The following TMX3 variants were observed in gnomAD, a reference collection of about 807,000 sequenced individuals.
The protein encoded by TMX3 is thioredoxin related transmembrane protein 3, also known as protein disulfide-isomerase TMX3.
TMX3 carries 40 observed loss-of-function variants against 64.4 expected under a neutral mutation model. The observed-to-expected ratio is 0.62, with a 90% CI of 0.48 to 0.81. The LOEUF is 0.81. Ranked by LOEUF, TMX3 falls within the 30% of genes least tolerant of loss-of-function variation. The pLI is 0.00. For missense variants in TMX3, 497 were observed against 534.5 expected (o/e 0.93, Z 0.69); for synonymous variants, 189 against 175.7 (o/e 1.08, Z -0.60).
At chr18:68,693,715 TCAGA>T (rs1914768170) in intron 8 of TMX3, among the ~76,000 whole-genome samples, 1 of 149,594 alleles carries the variant, frequency 6.7e-6, no homozygotes. Context: ...ACGGCGGGAG[TCAGA>T]CAGGTTCCTA....
In TMX3 at chr18:68,676,865, G is replaced by A; in HGVS notation, c.*68C>T. The A allele has an allele frequency of 6.6e-7, 1 of 1,518,766 alleles. No individual in the cohort carries two copies. The highest frequency in any genetic ancestry group is 1.4e-5 in the African/African-American group (1 of 71,598). The allele number at this position is 1,518,766 out of a possible 1,614,324, so 94.1% of individuals were successfully genotyped here. On this transcript the variant is annotated 3_prime_UTR_variant, in exon 16 of 16. Coordinates refer to ENST00000299608, the MANE Select transcript of TMX3 (RefSeq NM_019022.5). ...TTTTCTGTAAAGATCATGATTAAAT[G>A]TCTAAATTCAATAAATAGACTCTTT...
intron 8 of TMX3, among the ~76,000 whole-genome samples, chr18:68,695,662 C>T (rs1262290641): frequency 6.6e-6 from 1 of 152,196 alleles, no homozygotes; most frequent in Non-Finnish European, 1.5e-5. Flanking sequence ...ACAATTCTAT[C>T]TTCTAAACAC....
At chr18:68,683,035 A>T in intron 12 of TMX3, 54 bp from the exon 13 acceptor site, 1 of 1,495,758 alleles carries the variant, frequency 6.7e-7, no homozygotes, top group South Asian at 1.2e-5. Context: ...GTGGGGGGAG[A>T]GAGAGAGAGA....
intron 8 of TMX3, among the ~76,000 whole-genome samples, chr18:68,691,841 G>A (rs1568187248): frequency 6.6e-6 from 1 of 152,156 alleles, no homozygotes; most frequent in Non-Finnish European, 1.5e-5. Flanking sequence ...GTAGTAATAA[G>A]GGATCATTCA....
intron 13 of TMX3, among the ~76,000 whole-genome samples, chr18:68,681,887 C>T (rs1018528260): frequency 1.3e-5 from 2 of 152,164 alleles, no homozygotes; most frequent in Non-Finnish European, 2.9e-5. Flanking sequence ...CTCTCCTAAG[C>T]CCAGTTTTCC....
At chr18:68,698,283 T>A (rs944753409) in intron 6 of TMX3, among the ~76,000 whole-genome samples, 3 of 152,164 alleles carry the variant, frequency 2.0e-5, no homozygotes, top group Non-Finnish European at 4.4e-5. Context: ...AAAACATCCA[T>A]TCAGAGAGTA....
intron 8 of TMX3, among the ~76,000 whole-genome samples, chr18:68,695,708 C>G (rs952981723): frequency 3.9e-5 from 6 of 152,216 alleles, no homozygotes; most frequent in African/African-American, 9.7e-5. Flanking sequence ...CCTCACTAAC[C>G]ATCAAGCCCA....
chr18:68,710,240 G>A lies in TMX3; in HGVS notation c.142-96C>T, dbSNP rs139272045. The A allele has an allele frequency of 7.6e-4, 833 of 1,102,658 alleles. 7 individuals carry two copies. The East Asian group carries it at 0.018, about 24-fold the overall frequency. 68.3% of individuals were successfully genotyped at this position (1,102,658 alleles called of 1,614,324 possible). On this transcript the variant is annotated intron_variant, in intron 3 of 15. Coordinates refer to ENST00000299608, the MANE Select transcript of TMX3 (RefSeq NM_019022.5). ...ATCTTAATATTTAAAGAATCCCTTT[G>A]ACTAAATGATCTAATAATGTTTTAG...
At chr18:68,678,636 T>C (rs1056149061) in intron 15 of TMX3, among the ~76,000 whole-genome samples, 7 of 151,238 alleles carry the variant, frequency 4.6e-5, no homozygotes, top group Non-Finnish European at 8.8e-5. Flanking sequence ...TTTGATAGAG[T>C]GAAAGGAAGA....
Position 68,689,965 on chromosome 18 carries a change from A to T in TMX3, c.637+1330T>A, listed in dbSNP as rs1245821206. On this transcript the variant is annotated intron_variant, in intron 9 of 15. Transcript: ENST00000299608. Reference sequence around the variant, plus strand: ...GATAGTACCTTTTATATGACAGCATAAGTGTGTAGTTATTATCTATAGAAA... The same window carrying T: ...GATAGTACCTTTTATATGACAGCATTAGTGTGTAGTTATTATCTATAGAAA... The T allele has an allele frequency of 4.6e-5, 7 of 152,344 alleles. No homozygotes were observed. The South Asian group carries it at 1.5e-3, about 32-fold the overall frequency. The allele number at this position is 152,344 out of a possible 1,614,324, so 9.4% of individuals were successfully genotyped here. A position where few individuals can be genotyped will look rare whatever the true frequency, so the allele number is the denominator to read the frequency against.
chr18:68,690,021 A>T (rs940477166), intron 9 of TMX3: 1 of 152,062 alleles, frequency 6.6e-6, no homozygotes, highest in Non-Finnish European at 1.5e-5. Flanking sequence ...CATTTATTTA[A>T]AGACAATAAA....
chr18:68,703,664 A>G (rs2030353981), intron 4 of TMX3, among the ~76,000 whole-genome samples: 1 of 152,212 alleles, frequency 6.6e-6, no homozygotes. Context: ...AGGGAATGAC[A>G]GTATAACATT....
Position 68,707,794 on chromosome 18 carries a change from T to G in TMX3, c.265+2227A>C, listed in dbSNP as rs8098421. On this transcript the variant is annotated intron_variant, in intron 4 of 15. Coordinates refer to ENST00000299608, the MANE Select transcript of TMX3 (RefSeq NM_019022.5). ...AAGCAAGATTTGTCTGGATCTTTCT[T>G]TAATCTCTAGAGATTAGCACAGTGT... Among the ~76,000 whole-genome samples the G allele has an allele frequency of 5.1e-3, 780 of 152,258 alleles. 10 individuals are homozygous for G. Among genetic ancestry groups the G allele is most frequent in the African/African-American group, 0.018 (747 of 41,556 alleles).
intron 10 of TMX3, 83 bp from the exon 11 acceptor site, chr18:68,684,568 A>G (rs1913760109): frequency 3.6e-6 from 4 of 1,115,710 alleles, no homozygotes; most frequent in Non-Finnish European, 5.3e-6. Context: ...TGAGTAGGAA[A>G]TTAGTAAAGT....
At chr18:68,708,229 AT>A (rs2030924822) in intron 4 of TMX3, among the ~76,000 whole-genome samples, 1 of 152,032 alleles carries the variant, frequency 6.6e-6, no homozygotes, top group Non-Finnish European at 1.5e-5. Context: ...AATTTCTGCC[AT>A]TTATCTCTTC....
intron 4 of TMX3, chr18:68,706,355 G>A (rs1296348833): frequency 6.6e-6 from 1 of 152,236 alleles, no homozygotes; most frequent in Non-Finnish European, 1.5e-5. Context: ...AAGTTGCAGT[G>A]AGCCAAGATT....
intron 12 of TMX3, among the ~76,000 whole-genome samples, 176 bp from the exon 13 acceptor site, chr18:68,683,157 T>C (rs530238227): frequency 3.3e-5 from 5 of 152,194 alleles, no homozygotes; most frequent in African/African-American, 9.6e-5. Flanking sequence ...TAAACACTGC[T>C]AAAAGTGTAA....
At chr18:68,693,791 G>C (rs192348469) in intron 8 of TMX3, among the ~76,000 whole-genome samples, 18 of 152,204 alleles carry the variant, frequency 1.2e-4, no homozygotes, top group Admixed American at 2.0e-4. Flanking sequence ...CCTGAAGCCT[G>C]GGGGCCAGGC....
intron 13 of TMX3, among the ~76,000 whole-genome samples, chr18:68,681,745 CA>C (rs1432735706): frequency 2.1e-4 from 32 of 152,292 alleles, no homozygotes; most frequent in African/African-American, 7.7e-4. Flanking sequence ...TGATACTAAG[CA>C]AAGCTAGAGA....
Sources: allele counts gnomAD v4.1 joint callset (sites outside exome capture counted in the v4.1 genomes callset), GRCh38; gene constraint gnomAD v4.1.1; transcripts MANE v1.5; gene names NCBI Gene and HGNC (gene_info 2026-07-23, HGNC 2026-07-21).